The following ZNF862 variants were observed in gnomAD, a reference collection of about 807,000 sequenced individuals.
ZNF862 encodes zinc finger protein 862.
In ZNF862, 64 loss-of-function variants were observed where a neutral mutation model predicts 91.1. The observed-to-expected ratio is 0.70, with a 90% CI of 0.57 to 0.87. ZNF862 has a LOEUF of 0.87. Among genes scored for constraint, ZNF862 ranks in the 40% least tolerant of loss-of-function variants. The probability of loss-of-function intolerance (pLI) is 0.00; values close to 1 mark genes in which losing one functional copy is unlikely to be tolerated. For synonymous variants in ZNF862, 631 were observed against 618.1 expected, an observed-to-expected ratio of 1.02 and a Z score of -0.31; for missense variants, 1,459 against 1,528.0, an observed-to-expected ratio of 0.95 and a Z score of 0.75.
At position 149,861,076 on chromosome 7, in the gene ZNF862, G is replaced by A. The variant is rs750426543; in HGVS notation, c.1916G>A (p.Cys639Tyr). 1.2e-6 allele frequency: 2 copies of A among 1,612,834 alleles called. No individual in the cohort carries two copies. The highest frequency in any genetic ancestry group is 1.7e-6 in the Non-Finnish European group (2 of 1,179,778). Residue 639 changes from cysteine (C) to tyrosine (Y), a missense_variant, in exon 7 of 8, where the codon TGC (cysteine) becomes TAC (tyrosine). Cys to Tyr is a radical substitution (Grantham distance 194). Transcript: ENST00000223210. This position sits in a 1 kb window ranked among gnomAD's most constrained non-coding sequence, Gnocchi z 6.7. ...DSSTDASEQA[C>Y]VGIYIRYFKQ... is the part of the protein sequence containing the mutation. ...TCCACCGACGCCTCCGAGCAGGCCTGCGTGGGGATTTACATCCGCTACTTC... is the reference window on the plus strand; with the variant it reads ...TCCACCGACGCCTCCGAGCAGGCCTACGTGGGGATTTACATCCGCTACTTC...
At position 149,864,421 on chromosome 7, in the gene ZNF862, C is replaced by T. The variant is rs1429429263; in HGVS notation, c.*137C>T. The T allele has an allele frequency of 3.5e-6, 3 of 867,810 alleles. No individual in the cohort carries two copies. The East Asian group carries it at 8.0e-5, about 23-fold the overall frequency. 53.8% of individuals were successfully genotyped at this position (867,810 alleles called of 1,614,324 possible). On this transcript the variant is annotated 3_prime_UTR_variant, in exon 8 of 8. Transcript: ENST00000223210. Reference sequence around the variant, plus strand: ...CACCAGGAAGTGGGCAGTGGCATCCCAGAGCAGCAGGGGTATCAGGAGGTG... The same window carrying T: ...CACCAGGAAGTGGGCAGTGGCATCCTAGAGCAGCAGGGGTATCAGGAGGTG...
At position 149,848,412 on chromosome 7, in the gene ZNF862, G is replaced by T. The variant is rs934459209; in HGVS notation, c.919G>T (p.Ala307Ser). The T allele has an allele frequency of 6.4e-7, 1 of 1,558,712 alleles. No individual in the cohort carries two copies. Among genetic ancestry groups the T allele is most frequent in the African/African-American group, 1.4e-5 (1 of 73,460 alleles). Reference protein sequence around the residue: ...SSDINILYNDAVESCIQDPSA... With the variant: ...SSDINILYNDSVESCIQDPSA... Reference sequence around the variant, plus strand: ...AGACATTAATATTTTATATAATGATGCAGTAGAATCCTGCATTCAGGTAAT... The same window carrying T: ...AGACATTAATATTTTATATAATGATTCAGTAGAATCCTGCATTCAGGTAAT... Residue 307 changes from alanine (A) to serine (S), a missense_variant, in exon 4 of 8, where the codon GCA (alanine) becomes TCA (serine). Coordinates refer to ENST00000223210, the MANE Select transcript of ZNF862 (RefSeq NM_001099220.3).
chr7:149,864,518 A>G lies in ZNF862; in HGVS notation c.*234A>G, dbSNP rs895523687. ...GCACACAAATGTGCCAGAAGGTTCT[A>G]TATCTCAAGTTCATTTTTAAGGTGC... On this transcript the variant is annotated 3_prime_UTR_variant, in exon 8 of 8. Transcript: ENST00000223210. 17 of 505,014 alleles carry G rather than the reference A, an allele frequency of 3.4e-5. No individual in the cohort carries two copies. The highest frequency in any genetic ancestry group is 1.7e-4 in the African/African-American group (9 of 52,128). 31.3% of individuals were successfully genotyped at this position (505,014 alleles called of 1,614,324 possible).
intron 3 of ZNF862, 95 bp downstream of exon 3, chr7:149,846,350 C>A: frequency 2.2e-6 from 2 of 910,260 alleles, no homozygotes; most frequent in Non-Finnish European, 1.7e-6. Context: ...CCTTCCTGTT[C>A]TCCACCAACT....
chr7:149,842,956 A>G (rs971402966), intron 1 of ZNF862, among the ~76,000 whole-genome samples: 1 of 152,242 alleles, frequency 6.6e-6, no homozygotes, highest in Non-Finnish European at 1.5e-5. Context: ...ACAGTTATTT[A>G]AATGTACACA....
chr7:149,841,980 G>C lies in ZNF862; in HGVS notation c.25-2645G>C, dbSNP rs368123773. Among the ~76,000 whole-genome samples the C allele has an allele frequency of 9.2e-5, 14 of 152,188 alleles. 1 individual carries two copies. The highest frequency in any genetic ancestry group is 1.6e-4 in the Non-Finnish European group (11 of 68,046). ...ATACTTTCCATATAGCATGGTTGTG[G>C]GGGGAAGGGTGGTGTTGATGAAGGA... On this transcript the variant is annotated intron_variant, in intron 1 of 7. Coordinates refer to ENST00000223210, the MANE Select transcript of ZNF862 (RefSeq NM_001099220.3).
intron 5 of ZNF862, among the ~76,000 whole-genome samples, chr7:149,854,370 G>C (rs1450740410): frequency 6.6e-6 from 1 of 152,230 alleles, no homozygotes; most frequent in Non-Finnish European, 1.5e-5. Flanking sequence ...CAACTTGAGT[G>C]CATGATGCTA....
rs753380004 is a variant in ZNF862, at chr7:149,860,473, G to A, written c.1313G>A (p.Arg438His). 2.5e-5 allele frequency: 40 copies of A among 1,613,840 alleles called. No individual in the cohort carries two copies. The highest frequency in any genetic ancestry group is 3.1e-5 in the Non-Finnish European group (37 of 1,179,894). ...CTTCCAGGCTCTCCCGTGGAGGCCC[G>A]TGCCTCCTGCTGCAGTTCCAGCATT... ...ALLPGSPVEA[R>H]ASCCSSSICE... The change falls in exon 7 of 8, where the codon CGT (arginine) becomes CAT (histidine). Residue 438 changes from arginine (R) to histidine (H), a missense_variant. Coordinates refer to ENST00000223210, the MANE Select transcript of ZNF862 (RefSeq NM_001099220.3).
In ZNF862 at chr7:149,850,024, T is replaced by C; in HGVS notation, c.940-137T>C. On this transcript the variant is annotated intron_variant, in intron 4 of 7. Coordinates refer to ENST00000223210, the MANE Select transcript of ZNF862 (RefSeq NM_001099220.3). This position sits in a 1 kb window ranked among gnomAD's most constrained non-coding sequence, Gnocchi z 4.2. ...ATTTGATTCTTTGACTTTCAGTGGATAAATTAATTCCTCTGAGTGCATCTG... is the reference window on the plus strand; with the variant it reads ...ATTTGATTCTTTGACTTTCAGTGGACAAATTAATTCCTCTGAGTGCATCTG... 1 of 859,758 alleles carries C rather than the reference T, an allele frequency of 1.2e-6. No individual in the cohort carries two copies. The highest frequency in any genetic ancestry group is 1.8e-6 in the Non-Finnish European group (1 of 555,628). 53.3% of individuals were successfully genotyped at this position (859,758 alleles called of 1,614,324 possible). A position where few individuals can be genotyped will look rare whatever the true frequency, so the allele number is the denominator to read the frequency against.
At chr7:149,854,648 C>T (rs533228603) in intron 5 of ZNF862, among the ~76,000 whole-genome samples, 5 of 152,354 alleles carry the variant, frequency 3.3e-5, no homozygotes, top group Admixed American at 2.6e-4. Context: ...GCCGGCCAGG[C>T]AGGCTCCTGT....
chr7:149,859,698 A>G (rs1313998391), intron 6 of ZNF862, 172 bp downstream of exon 6: 4 of 584,576 alleles, frequency 6.8e-6, no homozygotes, highest in East Asian at 2.9e-5. Context: ...CTGCCCACAG[A>G]GTGTAGAGTA....
chr7:149,839,125 A>G (rs7782781), intron 1 of ZNF862, among the ~76,000 whole-genome samples: 60,575 of 152,036 alleles, frequency 0.4, 12,182 homozygotes, highest in Admixed American at 0.44. Context: ...ACTTCATGGA[A>G]TATCTGGGCA....
chr7:149,863,758 T>G (rs2074703), intron 7 of ZNF862, among the ~76,000 whole-genome samples: 101,296 of 152,102 alleles, frequency 0.67, 34,980 homozygotes, highest in African/African-American at 0.84. Context: ...GGGTAATCTC[T>G]GTTGGGGGCC....
intron 1 of ZNF862, among the ~76,000 whole-genome samples, chr7:149,839,927 T>C (rs1801639726): frequency 6.6e-6 from 1 of 152,180 alleles, no homozygotes; most frequent in Non-Finnish European, 1.5e-5. Context: ...GGGATTGATA[T>C]TGGTATCAGT....
Position 149,861,565 on chromosome 7 carries a change from T to G in ZNF862, c.2405T>G (p.Val802Gly). ...SRRRTLHALL[V>G]SWPALARHLQ... ...AGGCGCACGCTGCACGCGCTGCTCG[T>G]GAGCTGGCCCGCCCTGGCCAGGCAC... is the stretch of plus-strand genomic sequence containing the variant. The change falls in exon 7 of 8, where the codon GTG becomes GGG. Residue 802 changes from valine to glycine, a missense_variant. Val to Gly is a moderately radical substitution (Grantham distance 109). Coordinates refer to ENST00000223210, the MANE Select transcript of ZNF862 (RefSeq NM_001099220.3). This position sits in a 1 kb window ranked among gnomAD's most constrained non-coding sequence, Gnocchi z 6.7. The G allele has an allele frequency of 1.3e-6, 2 of 1,596,574 alleles. No individual in the cohort carries two copies. Among genetic ancestry groups the G allele is most frequent in the East Asian group, 4.5e-5 (2 of 44,208 alleles).
In ZNF862 at chr7:149,847,856, C is replaced by T; in HGVS notation, c.363C>T (p.His121=). ...YLSHLSTGSG[H]IEGDWAGRNR... ...CCCACCTCAGTACAGGCAGTGGACA[C>T]ATCGAGGGAGACTGGGCCGGAAGAA... is the stretch of plus-strand genomic sequence containing the variant. Residue 121 remains histidine, a synonymous_variant, in exon 4 of 8, where the codon CAC becomes CAT. Coordinates refer to ENST00000223210, the MANE Select transcript of ZNF862 (RefSeq NM_001099220.3). 1 of 1,613,224 alleles carries T rather than the reference C, an allele frequency of 6.2e-7. No individual in the cohort carries two copies. The highest frequency in any genetic ancestry group is 1.7e-5 in the Admixed American group (1 of 59,920).
rs540327079 is a variant in ZNF862, at chr7:149,838,673, C to T, written c.24+38C>T. 6 of 1,195,488 alleles carry T rather than the reference C, an allele frequency of 5.0e-6. No individual in the cohort carries two copies. The East Asian group carries it at 1.9e-4, about 38-fold the overall frequency. The allele number at this position is 1,195,488 out of a possible 1,614,324, so 74.1% of individuals were successfully genotyped here. ...GGCCCGGGGGCCGCCCGCTCCCTCCCGAGGATCCCCGAGCCGGGCTCGGGC... is the reference window on the plus strand; with the variant it reads ...GGCCCGGGGGCCGCCCGCTCCCTCCTGAGGATCCCCGAGCCGGGCTCGGGC... On this transcript the variant is annotated intron_variant, in intron 1 of 7. Transcript: ENST00000223210.
intron 3 of ZNF862, 115 bp from the exon 4 acceptor site, chr7:149,847,620 T>A: frequency 1.5e-6 from 1 of 651,886 alleles, no homozygotes; most frequent in Non-Finnish European, 2.6e-6. Context: ...TGTGTGTGTG[T>A]GTGTGTGTGT....
chr7:149,856,077 T>C (rs1352399215), intron 5 of ZNF862: 1 of 152,328 alleles, frequency 6.6e-6, no homozygotes, highest in African/African-American at 2.4e-5. Flanking sequence ...CTCCTCTCGA[T>C]GGGCGCAGGC....
Sources: gnomAD v4.1 joint callset for allele counts (sites outside exome capture counted in the v4.1 genomes callset) on GRCh38, gnomAD v4.1.1 for gene constraint, Gnocchi (gnomAD v3.1) non-coding constraint, MANE v1.5 for transcripts, NCBI Gene and HGNC (gene_info 2026-07-23, HGNC 2026-07-21) for gene names.